NKAIN2: variants seen among roughly 807,000 people sequenced by gnomAD.
The protein encoded by NKAIN2 is sodium/potassium transporting ATPase interacting 2.
NKAIN2 carries 14 observed loss-of-function variants against 32.6 expected under a neutral mutation model. The ratio of observed to expected loss-of-function variants is 0.43; its 90% confidence interval spans 0.28 to 0.67. The LOEUF (loss-of-function observed/expected upper bound fraction) is 0.67. Among genes scored for constraint, NKAIN2 ranks in the 30% least tolerant of loss-of-function variants. The pLI, the probability that NKAIN2 is intolerant of heterozygous loss-of-function variation, is 0.17. For synonymous variants in NKAIN2, 80 were observed against 87.2 expected (o/e 0.92, Z 0.46); for missense variants, 198 against 258.3 (o/e 0.77, Z 1.60).
At chr6:124,372,307 G>A (rs75847545) in intron 3 of NKAIN2, among the ~76,000 whole-genome samples, 1,904 of 152,174 alleles carry the variant, frequency 0.013, 39 homozygotes, top group African/African-American at 0.043. Context: ...AATACAACAT[G>A]AAAAAACAAT....
intron 1 of NKAIN2, among the ~76,000 whole-genome samples, chr6:123,991,155 G>T (rs964993430): frequency 6.6e-6 from 1 of 152,138 alleles, no homozygotes; most frequent in South Asian, 2.1e-4. Context: ...TAAAAAGATT[G>T]ACTTGAGCCA....
chr6:124,599,354 AT>A (rs1782221743), intron 3 of NKAIN2, among the ~76,000 whole-genome samples: 1 of 152,188 alleles, frequency 6.6e-6, no homozygotes, highest in Admixed American at 6.6e-5. Flanking sequence ...TTAAAAAAAA[AT>A]CTGTTTACAG....
intron 1 of NKAIN2, among the ~76,000 whole-genome samples, chr6:124,137,259 C>T (rs532611353): frequency 6.6e-5 from 10 of 151,630 alleles, no homozygotes; most frequent in East Asian, 3.9e-4. Context: ...TTTTTTTCAA[C>T]GACTGGAAAA....
At chr6:124,260,170 C>T (rs1397104181) in intron 1 of NKAIN2, among the ~76,000 whole-genome samples, 1 of 152,090 alleles carries the variant, frequency 6.6e-6, no homozygotes, top group Non-Finnish European at 1.5e-5. Flanking sequence ...ATATATTGAG[C>T]ACCTATAAAA....
chr6:124,413,786 A>G (rs759231702), intron 3 of NKAIN2, among the ~76,000 whole-genome samples: 2 of 152,112 alleles, frequency 1.3e-5, no homozygotes, highest in Non-Finnish European at 2.9e-5. Context: ...AATATTTCAT[A>G]TTTTTGATCA....
chr6:124,385,225 G>A (rs1772842636), intron 3 of NKAIN2, among the ~76,000 whole-genome samples: 1 of 152,190 alleles, frequency 6.6e-6, no homozygotes, highest in East Asian at 1.9e-4. Flanking sequence ...ACATTTAAAG[G>A]CCAATTGGAG....
intron 1 of NKAIN2, among the ~76,000 whole-genome samples, chr6:124,216,316 C>G (rs373986814): frequency 8.5e-5 from 13 of 152,198 alleles, no homozygotes; most frequent in African/African-American, 2.9e-4. Context: ...AAATTACAGT[C>G]AATTTTTATT....
intron 1 of NKAIN2, among the ~76,000 whole-genome samples, chr6:124,120,035 A>G (rs1440647553): frequency 6.6e-6 from 1 of 152,136 alleles, no homozygotes; most frequent in Non-Finnish European, 1.5e-5. Context: ...TGAATTCTCT[A>G]GTTAAGTAAG....
intron 1 of NKAIN2, among the ~76,000 whole-genome samples, chr6:123,883,245 T>C (rs1047534388): frequency 6.6e-6 from 1 of 151,916 alleles, no homozygotes; most frequent in Non-Finnish European, 1.5e-5. Context: ...CCTGGGTTCA[T>C]GCCATTCTCC....
chr6:124,394,500 T>TAGATAGAG (rs1773285946), intron 3 of NKAIN2, among the ~76,000 whole-genome samples: 1 of 145,204 alleles, frequency 6.9e-6, no homozygotes, highest in Admixed American at 6.8e-5. Flanking sequence ...GATAGATAGA[T>TAGATAGAG]AGATAGATTA....
At chr6:124,427,851 G>T (rs1035556728) in intron 3 of NKAIN2, among the ~76,000 whole-genome samples, 3 of 151,820 alleles carry the variant, frequency 2.0e-5, no homozygotes, top group Admixed American at 2.0e-4. Flanking sequence ...GGTCGTTCGG[G>T]GCTACAAAAT....
intron 3 of NKAIN2, among the ~76,000 whole-genome samples, chr6:124,402,588 C>T (rs2114461396): frequency 6.6e-6 from 1 of 152,338 alleles, no homozygotes; most frequent in Admixed American, 6.5e-5. Flanking sequence ...AAATGTGGTA[C>T]ATGTGCACCA....
intron 1 of NKAIN2, among the ~76,000 whole-genome samples, chr6:124,084,256 G>A (rs568478480): frequency 3.3e-5 from 5 of 152,014 alleles, no homozygotes; most frequent in South Asian, 2.1e-4. Context: ...ACCACATAAC[G>A]ATTTTTCGGT....
intron 4 of NKAIN2, among the ~76,000 whole-genome samples, chr6:124,790,201 C>G (rs903021931): frequency 6.6e-6 from 1 of 152,126 alleles, no homozygotes; most frequent in African/African-American, 2.4e-5. Context: ...CCAGAGGCCA[C>G]TTTGTCTCCT....
At chr6:124,622,185 G>C (rs919502431) in intron 3 of NKAIN2, among the ~76,000 whole-genome samples, 1 of 152,130 alleles carries the variant, frequency 6.6e-6, no homozygotes, top group African/African-American at 2.4e-5. Flanking sequence ...AATTCCTTTA[G>C]TCTTGGCACA....
chr6:124,152,146 A>G (rs146063483), intron 1 of NKAIN2, among the ~76,000 whole-genome samples: 1,730 of 152,036 alleles, frequency 0.011, 29 homozygotes, highest in South Asian at 0.042. Flanking sequence ...GTGTGGTGTG[A>G]GATAGGGTTT....
chr6:123,870,787 C>T (rs1321833394), intron 1 of NKAIN2, among the ~76,000 whole-genome samples: 2 of 152,120 alleles, frequency 1.3e-5, no homozygotes, highest in African/African-American at 4.8e-5. Context: ...GTGGCAAATA[C>T]ATGTTGAGTG....
intron 1 of NKAIN2, among the ~76,000 whole-genome samples, chr6:124,053,433 A>G (rs1249815055): frequency 6.6e-6 from 1 of 152,042 alleles, no homozygotes; most frequent in Non-Finnish European, 1.5e-5. Flanking sequence ...AGCATTAAAC[A>G]CCACCTGTCT....
intron 4 of NKAIN2, among the ~76,000 whole-genome samples, chr6:124,759,450 A>G (rs1778121429): frequency 1.3e-5 from 2 of 152,026 alleles, no homozygotes; most frequent in Admixed American, 6.6e-5. Flanking sequence ...AACATTTAAT[A>G]TTTCAAATGA....
Sources: gnomAD v4.1 joint callset for allele counts (sites outside exome capture counted in the v4.1 genomes callset) on GRCh38, gnomAD v4.1.1 for gene constraint, MANE v1.5 for transcripts, NCBI Gene and HGNC (gene_info 2026-07-23, HGNC 2026-07-21) for gene names.